Variants in PKHD1 observed in about 807,000 individuals in gnomAD.
PKHD1 encodes PKHD1 ciliary IPT domain containing fibrocystin/polyductin, also known as fibrocystin.
In PKHD1, 291 loss-of-function variants were observed where a neutral mutation model predicts 412.0. The observed-to-expected ratio is 0.71, with a 90% confidence interval of 0.64 to 0.78. The LOEUF (loss-of-function observed/expected upper bound fraction) is 0.78, where lower values mean the gene tolerates loss of function less well. PKHD1 is among the 30% of genes least tolerant of loss of function. PKHD1 has a pLI of 0.00. For missense variants in PKHD1, 4,825 were observed against 4,950.7 expected, an observed-to-expected ratio of 0.97 and a Z score of 0.76; for synonymous variants, 1,777 against 1,821.5, an observed-to-expected ratio of 0.98 and a Z score of 0.62.
chr6:51,913,571 T>A (rs995108761), intron 37 of PKHD1, among the ~76,000 whole-genome samples: 6 of 152,130 alleles, frequency 3.9e-5, no homozygotes, highest in African/African-American at 1.2e-4. Context: ...GTAGTACATT[T>A]CCTTCCTCTT....
At chr6:51,654,063 G>T (rs1479643740) in intron 61 of PKHD1, among the ~76,000 whole-genome samples, 4 of 152,088 alleles carry the variant, frequency 2.6e-5, no homozygotes, top group Non-Finnish European at 5.9e-5. Context: ...TGGTTGCACA[G>T]GAGTTTTAGA....
At chr6:51,796,176 A>G (rs1197549217) in intron 52 of PKHD1, among the ~76,000 whole-genome samples, 2 of 150,776 alleles carry the variant, frequency 1.3e-5, no homozygotes, top group African/African-American at 4.9e-5. Context: ...TTACTGCCCC[A>G]TTTTCAGAAC....
At chr6:51,823,905 A>G (rs1766887407) in intron 52 of PKHD1, among the ~76,000 whole-genome samples, 1 of 152,156 alleles carries the variant, frequency 6.6e-6, no homozygotes, top group Non-Finnish European at 1.5e-5. Context: ...CCCTAGCCTC[A>G]AAGTGTTTTG....
At chr6:51,861,297 A>G (rs1774150477) in intron 48 of PKHD1, among the ~76,000 whole-genome samples, 1 of 152,188 alleles carries the variant, frequency 6.6e-6, no homozygotes, top group Non-Finnish European at 1.5e-5. Context: ...AATAATACCA[A>G]TGAGAGCAGA....
intron 36 of PKHD1, among the ~76,000 whole-genome samples, chr6:51,940,883 C>A (rs988148324): frequency 3.3e-5 from 5 of 151,440 alleles, no homozygotes; most frequent in South Asian, 2.1e-4. Flanking sequence ...CCATCTTAGA[C>A]AACATTCTTT....
intron 46 of PKHD1, among the ~76,000 whole-genome samples, chr6:51,874,875 C>T (rs1239775972): frequency 2.0e-5 from 2 of 100,328 alleles, no homozygotes; most frequent in African/African-American, 8.0e-5. Flanking sequence ...CTAGGGAGTG[C>T]CAGACAGTGG....
At chr6:52,007,657 T>C (rs540495622) in intron 35 of PKHD1, among the ~76,000 whole-genome samples, 1 of 152,292 alleles carries the variant, frequency 6.6e-6, no homozygotes, top group East Asian at 1.9e-4. Flanking sequence ...CTGGTTTGGG[T>C]GATAAATTAC....
chr6:51,913,582 T>C (rs1783316790), intron 37 of PKHD1, among the ~76,000 whole-genome samples: 1 of 152,132 alleles, frequency 6.6e-6, no homozygotes, highest in South Asian at 2.1e-4. Flanking sequence ...CCTTCCTCTT[T>C]TGCAATGGAT....
At chr6:51,988,235 A>G (rs1796443481) in intron 35 of PKHD1, among the ~76,000 whole-genome samples, 1 of 152,200 alleles carries the variant, frequency 6.6e-6, no homozygotes, top group African/African-American at 2.4e-5. Context: ...GTATATACAT[A>G]TATTAATAAG....
intron 37 of PKHD1, among the ~76,000 whole-genome samples, chr6:51,923,761 G>A (rs910444153): frequency 5.9e-5 from 9 of 152,160 alleles, no homozygotes; most frequent in Non-Finnish European, 1.2e-4. Context: ...AAGCCAGAAA[G>A]CCCCAATTGG....
At chr6:51,811,936 T>C (rs1369582054) in intron 52 of PKHD1, among the ~76,000 whole-genome samples, 1 of 152,210 alleles carries the variant, frequency 6.6e-6, no homozygotes, top group African/African-American at 2.4e-5. Context: ...GTATTATGTT[T>C]AAAATTTTTT....
At chr6:51,862,494 A>G (rs1374295615) in intron 48 of PKHD1, among the ~76,000 whole-genome samples, 2 of 152,176 alleles carry the variant, frequency 1.3e-5, no homozygotes, top group Admixed American at 1.3e-4. Flanking sequence ...AAAAGATACC[A>G]TTAGTGATGC....
At chr6:51,910,185 T>C (rs1301335135) in intron 39 of PKHD1, among the ~76,000 whole-genome samples, 1 of 152,120 alleles carries the variant, frequency 6.6e-6, no homozygotes, top group East Asian at 1.9e-4. Flanking sequence ...GCTACCAAAA[T>C]GTTGTGACCT....
At chr6:51,745,487 A>C (rs945876093) in intron 59 of PKHD1, among the ~76,000 whole-genome samples, 3 of 152,148 alleles carry the variant, frequency 2.0e-5, no homozygotes, top group Non-Finnish European at 2.9e-5. Flanking sequence ...AGAAACCTTC[A>C]CCAGACGCCT....
At chr6:51,989,630 G>C (rs1417307813) in intron 35 of PKHD1, among the ~76,000 whole-genome samples, 6 of 151,844 alleles carry the variant, frequency 4.0e-5, no homozygotes, top group Admixed American at 3.9e-4. Context: ...GCCTGTTTTT[G>C]TTATTATTTT....
intron 52 of PKHD1, among the ~76,000 whole-genome samples, chr6:51,823,012 C>T (rs1435523349): frequency 1.3e-5 from 2 of 151,272 alleles, no homozygotes; most frequent in Non-Finnish European, 2.9e-5. Flanking sequence ...GAAAGTAATG[C>T]ATAGTTTCTT....
chr6:52,005,618 C>G (rs932060473), intron 35 of PKHD1, among the ~76,000 whole-genome samples: 6 of 152,134 alleles, frequency 3.9e-5, no homozygotes, highest in African/African-American at 1.4e-4. Context: ...TTCCCAACTC[C>G]GAGCCCCTAC....
intron 35 of PKHD1, among the ~76,000 whole-genome samples, chr6:51,998,628 A>G (rs1282967842): frequency 6.6e-6 from 1 of 152,124 alleles, no homozygotes; most frequent in Non-Finnish European, 1.5e-5. Context: ...TATAGAATCA[A>G]GGCATGCCTT....
intron 5 of PKHD1, among the ~76,000 whole-genome samples, chr6:52,078,469 G>C (rs1269135119): frequency 6.6e-6 from 1 of 152,110 alleles, no homozygotes; most frequent in Non-Finnish European, 1.5e-5. Flanking sequence ...GCCCACAGCA[G>C]GCTCTTTGCA....
Sources: gnomAD v4.1 joint callset for allele counts (sites outside exome capture counted in the v4.1 genomes callset) on GRCh38, gnomAD v4.1.1 for gene constraint, MANE v1.5 for transcripts, NCBI Gene and HGNC (gene_info 2026-07-23, HGNC 2026-07-21) for gene names.